ZNF568: variants seen among roughly 807,000 people sequenced by gnomAD.
The protein encoded by ZNF568 is zinc finger protein 568, also known as p53 inhibitor of SCO2 activation.
ZNF568 carries 11 observed loss-of-function variants against 18.1 expected under a neutral mutation model. The ratio of observed to expected loss-of-function variants is 0.61; its 90% CI spans 0.38 to 1.00. The LOEUF is 1.00. ZNF568 is among the 50% of genes least tolerant of loss of function. The probability of loss-of-function intolerance (pLI) is 0.01; values close to 1 mark genes in which losing one functional copy is unlikely to be tolerated. For missense variants in ZNF568, 639 were observed against 768.2 expected (o/e 0.83, Z 1.99); for synonymous variants, 213 against 246.6 (o/e 0.86, Z 1.28).
At chr19:36,946,027 G>A (rs557948714) in intron 6 of ZNF568, among the ~76,000 whole-genome samples, 213 of 151,968 alleles carry the variant, frequency 1.4e-3, no homozygotes, top group South Asian at 5.2e-3. Flanking sequence ...CCCGGGAGGC[G>A]GAGGTTGCAG....
At chr19:36,941,819 T>C (rs1331039824) in intron 6 of ZNF568, among the ~76,000 whole-genome samples, 1 of 152,162 alleles carries the variant, frequency 6.6e-6, no homozygotes, top group Non-Finnish European at 1.5e-5. Flanking sequence ...GTATACCTTA[T>C]ACATTACTTG....
chr19:36,933,912 TTTTGTTTTTTTG>T (rs1568384522), intron 4 of ZNF568, among the ~76,000 whole-genome samples: 5 of 31,330 alleles, frequency 1.6e-4, no homozygotes, highest in African/African-American at 9.7e-4. Flanking sequence ...TTTTTTTTTG[TTTTGTTTTTTTG>T]TTTTTTTTTT....
downstream of ZNF568, chr19:36,980,365 G>A (rs894324049): frequency 6.6e-6 from 1 of 152,036 alleles, no homozygotes; most frequent in Non-Finnish European, 1.5e-5. Flanking sequence ...GGAATTAATT[G>A]TAGGGTGTGG....
chr19:36,995,737 A>G (rs2074464703), intron 4 of ZNF568, among the ~76,000 whole-genome samples: 2 of 152,150 alleles, frequency 1.3e-5, no homozygotes. Context: ...CTTCAAGATT[A>G]TAATTAGCAT....
intron 4 of ZNF568, among the ~76,000 whole-genome samples, chr19:36,934,527 G>C (rs779851588): frequency 7.9e-5 from 12 of 152,032 alleles, no homozygotes; most frequent in Non-Finnish European, 1.5e-5. Flanking sequence ...TTACCATGTT[G>C]CTCAGGCTGG....
intron 6 of ZNF568, among the ~76,000 whole-genome samples, chr19:36,965,754 T>C (rs565320501): frequency 3.4e-5 from 5 of 145,960 alleles, no homozygotes; most frequent in Non-Finnish European, 6.0e-5. Flanking sequence ...CAGGCTGGAG[T>C]GCAATGGCGT....
chr19:36,949,754 G>C lies in ZNF568; in HGVS notation c.601G>C (p.Glu201Gln), dbSNP rs199572797. The C allele has an allele frequency of 4.3e-6, 7 of 1,613,948 alleles. No individual in the cohort carries two copies. In the Admixed American group the frequency reaches 6.7e-5, roughly 15 times the overall value. Reference sequence around the variant, plus strand: ...TAGATATGAGAAAGGCTGTGTAAGAGAGAAACAGAGTAATGAGTTTGGGAA... The same window carrying C: ...TAGATATGAGAAAGGCTGTGTAAGACAGAAACAGAGTAATGAGTTTGGGAA... ...LLRYEKGCVR[E>Q]KQSNEFGKPF... The change falls in exon 7 of 7, where the codon GAG becomes CAG. Residue 201 changes from glutamate to glutamine, a missense_variant. Transcript: ENST00000333987.
Position 36,918,980 on chromosome 19 carries a change from C to T in ZNF568, c.-186+1332C>T, listed in dbSNP as rs116845388. Among the ~76,000 whole-genome samples the T allele has an allele frequency of 1.2e-4, 18 of 152,114 alleles. No homozygotes were observed. The East Asian group carries it at 1.9e-3, about 16-fold the overall frequency. On this transcript the variant is annotated intron_variant, in intron 2 of 6. Coordinates refer to ENST00000333987, the MANE Select transcript of ZNF568 (RefSeq NM_198539.4). ...TTGGAATTTCCTCCTTTTTTAAGGC[C>T]GAATGATAAGTATGTCATATATGGA...
intron 4 of ZNF568, among the ~76,000 whole-genome samples, chr19:36,935,324 G>A (rs371872362): frequency 5.9e-5 from 9 of 152,068 alleles, no homozygotes; most frequent in African/African-American, 1.9e-4. Context: ...CACTTTGGGA[G>A]GCTGAGGCGG....
chr19:36,974,558 T>C, intron 7 of ZNF568: 1 of 1,306,070 alleles, frequency 7.7e-7, no homozygotes, highest in Admixed American at 2.0e-5. Flanking sequence ...TTTACATTCA[T>C]GATTTGGACA....
intron 6 of ZNF568, among the ~76,000 whole-genome samples, chr19:36,962,284 T>A (rs111375584): frequency 9.4e-5 from 13 of 138,094 alleles, no homozygotes; most frequent in Non-Finnish European, 1.5e-4. Flanking sequence ...AGTGTTTTTT[T>A]TTTTTTTTTT....
exon 5 of ZNF568, chr19:36,996,485 C>T (rs145329790): frequency 1.3e-6 from 2 of 1,536,436 alleles, no homozygotes; most frequent in African/African-American, 2.7e-5. Context: ...ATACCATTTA[C>T]TTCCATGCAG....
chr19:36,975,161 T>G (rs1490285950), intron 7 of ZNF568, among the ~76,000 whole-genome samples: 1 of 150,134 alleles, frequency 6.7e-6, no homozygotes, highest in East Asian at 2.0e-4. Flanking sequence ...TCTTTTTTTT[T>G]TTTTTGAGAC....
At chr19:36,917,067 G>C (rs1425696691) in intron 1 of ZNF568, among the ~76,000 whole-genome samples, 5 of 152,074 alleles carry the variant, frequency 3.3e-5, no homozygotes, top group African/African-American at 1.2e-4. Context: ...TAATAATTAT[G>C]TCTAAAAACC....
At chr19:36,918,532 A>G (rs889591524) in intron 2 of ZNF568, among the ~76,000 whole-genome samples, 2 of 152,168 alleles carry the variant, frequency 1.3e-5, no homozygotes, top group African/African-American at 4.8e-5. Context: ...TAGTAGGCCT[A>G]ACTGTATTTT....
intron 6 of ZNF568, among the ~76,000 whole-genome samples, chr19:36,937,875 A>G (rs2073816437): frequency 1.3e-5 from 2 of 152,184 alleles, no homozygotes; most frequent in East Asian, 1.9e-4. Context: ...GATATAACCA[A>G]TGTAACCAAT....
rs2073335994 is a variant in ZNF568 at position 36,916,541 on chromosome 19, C to A, written c.-306C>A. On this transcript the variant is annotated 5_prime_UTR_variant, in exon 1 of 7. Transcript: ENST00000333987. This position sits in a 1 kb window ranked among gnomAD's most constrained non-coding sequence, Gnocchi z 5.3. ...TTGACGGGACACGGATCCTCTAAGG[C>A]CCAGAGTGTCCCGAGTAGCGGCAGT... 1 of 152,404 alleles carries A rather than the reference C, an allele frequency of 6.6e-6. No homozygotes were observed. Among genetic ancestry groups the A allele is most frequent in the Non-Finnish European group, 1.5e-5 (1 of 68,128 alleles). The allele number at this position is 152,404 out of a possible 1,614,324, so 9.4% of individuals were successfully genotyped here.
chr19:36,972,978 C>A (rs1055469242), intron 6 of ZNF568, among the ~76,000 whole-genome samples: 1 of 152,250 alleles, frequency 6.6e-6, no homozygotes. Flanking sequence ...CAGCGGCCAA[C>A]TATTGCTGCC....
chr19:36,991,706 TTC>T (rs1223841158), intron 3 of ZNF568: 1 of 1,475,374 alleles, frequency 6.8e-7, no homozygotes, highest in Non-Finnish European at 9.1e-7. Context: ...TGATTTTTAA[TTC>T]TGACACCCAC....
Sources: allele counts gnomAD v4.1 joint callset (sites outside exome capture counted in the v4.1 genomes callset), GRCh38; gene constraint gnomAD v4.1.1; non-coding constraint Gnocchi (gnomAD v3.1); transcripts MANE v1.5; gene names NCBI Gene and HGNC (gene_info 2026-07-23, HGNC 2026-07-21).